The following SIPA1L1 variants were observed in gnomAD, a reference collection of about 807,000 sequenced individuals.
SIPA1L1 encodes signal induced proliferation associated 1 like 1, also known as signal-induced proliferation-associated 1-like protein 1.
Under a neutral mutation model 162.7 loss-of-function variants are expected in SIPA1L1, and 26 were observed. That is an observed-to-expected ratio of 0.16 (90% CI 0.12 to 0.22). SIPA1L1 has a LOEUF of 0.22. Among genes scored for constraint, SIPA1L1 ranks in the 10% least tolerant of loss-of-function variants. SIPA1L1 has a pLI of 1.00. For missense variants in SIPA1L1, 1,874 were observed against 2,241.0 expected (o/e 0.84, Z 3.31); for synonymous variants, 829 against 837.4 (o/e 0.99, Z 0.17).
chr14:71,535,890 A>G (rs1182038422), intron 4 of SIPA1L1, among the ~76,000 whole-genome samples: 1 of 152,190 alleles, frequency 6.6e-6, no homozygotes, highest in African/African-American at 2.4e-5. Flanking sequence ...GATTACAGGC[A>G]TGGGCCACTG....
At chr14:71,542,231 C>T (rs1158289501) in intron 4 of SIPA1L1, among the ~76,000 whole-genome samples, 2 of 152,002 alleles carry the variant, frequency 1.3e-5, no homozygotes, top group Non-Finnish European at 2.9e-5. Flanking sequence ...GTGTGCACCA[C>T]CATGCCTGGC....
rs756364674 is a variant in SIPA1L1 at position 71,730,109 on chromosome 14, C to T, written c.4669C>T (p.Arg1557Trp). 4 of 1,614,118 alleles carry T rather than the reference C, an allele frequency of 2.5e-6. No homozygotes were observed. The highest frequency in any genetic ancestry group is 3.4e-6 in the Non-Finnish European group (4 of 1,179,976). The stretch of plus-strand genomic sequence containing the variant: ...TTTCCCCAGCACCCCCACCTCACGG[C>T]GGGCCTTGCACAGAACACTGTCGGA... Reference protein sequence around the residue: ...SPFPSTPTSRRALHRTLSDES... With the variant: ...SPFPSTPTSRWALHRTLSDES... The change falls in exon 20 of 24, where the codon CGG becomes TGG. Residue 1557 changes from arginine to tryptophan, a missense_variant. Arg to Trp is a moderately radical substitution (Grantham distance 101, BLOSUM62 -3). Coordinates refer to ENST00000381232, the MANE Select transcript of SIPA1L1 (RefSeq NM_001386936.1).
At chr14:71,616,353 T>A (rs1315313900) in intron 5 of SIPA1L1, among the ~76,000 whole-genome samples, 1 of 152,186 alleles carries the variant, frequency 6.6e-6, no homozygotes, top group Non-Finnish European at 1.5e-5. Context: ...GGAAGTCAGA[T>A]GATAATTCTG....
At chr14:71,475,926 C>A (rs185953737) in intron 2 of SIPA1L1, among the ~76,000 whole-genome samples, 1 of 152,172 alleles carries the variant, frequency 6.6e-6, no homozygotes, top group Admixed American at 6.5e-5. Context: ...TGAACCAAGG[C>A]TGGATCATTT....
At chr14:71,544,626 A>AT (rs1254705623) in intron 4 of SIPA1L1, among the ~76,000 whole-genome samples, 2 of 151,330 alleles carry the variant, frequency 1.3e-5, no homozygotes, top group Admixed American at 6.6e-5. Context: ...ACCATCTCTA[A>AT]TTTTTTTTGA....
chr14:71,571,587 C>G (rs1489020308), intron 4 of SIPA1L1, among the ~76,000 whole-genome samples: 2 of 152,084 alleles, frequency 1.3e-5, no homozygotes, highest in African/African-American at 4.8e-5. Context: ...TTGTCTTAGT[C>G]CATTTTCTGT....
Position 71,705,259 on chromosome 14 carries a change from G to T in SIPA1L1, c.3684G>T (p.Leu1228=). ...ATCTCCCAGCAGTATCAAAGGTACT[G>T]CCAGCTTTCCGAGAGAGCCCCAGTG... is the stretch of plus-strand genomic sequence containing the variant. ...TCHLPAVSKV[L]PAFRESPSGR... The change falls in exon 16 of 24, where the codon CTG becomes CTT. Residue 1228 remains leucine (L), a synonymous_variant. Coordinates refer to ENST00000381232, the MANE Select transcript of SIPA1L1 (RefSeq NM_001386936.1). The T allele has an allele frequency of 1.9e-6, 3 of 1,614,150 alleles. No homozygotes were observed. The highest frequency in any genetic ancestry group is 2.5e-6 in the Non-Finnish European group (3 of 1,180,002).
At chr14:71,497,709 C>T (rs1450701893) in intron 2 of SIPA1L1, 12 of 152,190 alleles carry the variant, frequency 7.9e-5, no homozygotes, top group Admixed American at 5.9e-4. Flanking sequence ...TCAGGATATT[C>T]CATTGTGTGG....
At chr14:71,584,973 A>T (rs906585115) in intron 4 of SIPA1L1, among the ~76,000 whole-genome samples, 11 of 152,192 alleles carry the variant, frequency 7.2e-5, no homozygotes, top group South Asian at 4.1e-4. Context: ...TAAGGAATAG[A>T]TGTGAAGGTA....
chr14:71,558,351 A>G (rs1039553022), intron 4 of SIPA1L1, among the ~76,000 whole-genome samples: 2 of 152,166 alleles, frequency 1.3e-5, no homozygotes, highest in African/African-American at 4.8e-5. Flanking sequence ...TTTTCTAAAG[A>G]TGAACCTGGG....
intron 2 of SIPA1L1, among the ~76,000 whole-genome samples, chr14:71,326,773 A>C: frequency 7.3e-6 from 1 of 136,360 alleles, no homozygotes; most frequent in African/African-American, 2.8e-5. Flanking sequence ...GTGCAGTGAC[A>C]CCATCTCTGC....
intron 4 of SIPA1L1, among the ~76,000 whole-genome samples, chr14:71,529,776 G>C (rs1008009424): frequency 5.9e-5 from 9 of 152,230 alleles, no homozygotes; most frequent in African/African-American, 2.2e-4. Flanking sequence ...TGAGTGCTGA[G>C]TGTTACCTGG....
chr14:71,518,865 A>G (rs1361146556), intron 3 of SIPA1L1, among the ~76,000 whole-genome samples: 1 of 152,140 alleles, frequency 6.6e-6, no homozygotes, highest in African/African-American at 2.4e-5. Context: ...ATGGCTGGGG[A>G]GGCCTCAGAA....
chr14:71,528,911 G>A (rs1294101379), intron 3 of SIPA1L1, among the ~76,000 whole-genome samples: 1 of 151,904 alleles, frequency 6.6e-6, no homozygotes, highest in East Asian at 1.9e-4. Context: ...TCAGGAGTTC[G>A]AGACCAGCCT....
chr14:71,559,269 T>C (rs1335821808), intron 4 of SIPA1L1, among the ~76,000 whole-genome samples: 6 of 152,098 alleles, frequency 3.9e-5, no homozygotes, highest in Non-Finnish European at 7.4e-5. Flanking sequence ...GGTTTCGCCA[T>C]GTTGGCCAGG....
At chr14:71,573,757 G>A (rs368765856) in intron 4 of SIPA1L1, 13 of 455,792 alleles carry the variant, frequency 2.9e-5, no homozygotes, top group South Asian at 4.6e-5. Context: ...TATCTCTAGC[G>A]ACATGTCTAT....
chr14:71,636,405 A>C (rs1287571811), intron 7 of SIPA1L1, among the ~76,000 whole-genome samples: 2 of 152,222 alleles, frequency 1.3e-5, no homozygotes, highest in Admixed American at 1.3e-4. Flanking sequence ...AAAAATCTCT[A>C]AGCACTTGGA....
At position 71,685,616 on chromosome 14, in the gene SIPA1L1, G is replaced by A. The variant is rs747320522; in HGVS notation, c.3359G>A (p.Arg1120His). ...NIPRSISSDG[R>H]PLERRLSPGS... ...CCTCGAAGCATCTCCAGTGACGGGC[G>A]CCCACTAGAGAGGCGGTAAGTGTGC... Residue 1120 changes from arginine (R) to histidine (H), a missense_variant, in exon 13 of 24, where the codon CGC becomes CAC. By Grantham distance (29) the Arg-to-His change is conservative. This residue lies in a region of SIPA1L1 where 936 missense variants were observed against 1,051.9 expected (regional missense o/e 0.89). Transcript: ENST00000381232. 1.3e-5 allele frequency: 21 copies of A among 1,613,922 alleles called. No homozygotes were observed. The highest frequency in any genetic ancestry group is 1.6e-4 in the Middle Eastern group (1 of 6,082).
chr14:71,719,194 CT>C lies in SIPA1L1; in HGVS notation c.4209-4452del, dbSNP rs371331053. Among the ~76,000 whole-genome samples the C allele has an allele frequency of 9.3e-4, 141 of 152,264 alleles. No individual in the cohort carries two copies. The East Asian group carries it at 0.022, about 24-fold the overall frequency. ...GCTCAAGTAATCTGCCCGTCTCAGC[CT>C]CCCAAAATGCTGGCATTACAGGTGT... On this transcript the variant is annotated intron_variant, in intron 17 of 23. Coordinates refer to ENST00000381232, the MANE Select transcript of SIPA1L1 (RefSeq NM_001386936.1).
Sources: allele counts gnomAD v4.1 joint callset (sites outside exome capture counted in the v4.1 genomes callset), GRCh38; gene constraint gnomAD v4.1.1; regional missense constraint gnomAD v4.1.1; transcripts MANE v1.5; gene names NCBI Gene and HGNC (gene_info 2026-07-23, HGNC 2026-07-21).